FRMD4B: variants seen among roughly 807,000 people sequenced by gnomAD.
FRMD4B encodes the protein FERM domain-containing protein 4B.
Under a neutral mutation model 141.5 loss-of-function variants are expected in FRMD4B, and 74 were observed. The ratio of observed to expected loss-of-function variants is 0.52; its 90% CI spans 0.43 to 0.63. The LOEUF (loss-of-function observed/expected upper bound fraction) is 0.63. FRMD4B is among the 30% of genes least tolerant of loss of function. FRMD4B has a pLI of 0.00. For missense variants in FRMD4B, 1,366 were observed against 1,253.4 expected (o/e 1.09, Z -1.36); for synonymous variants, 506 against 467.9 (o/e 1.08, Z -1.05).
intron 1 of FRMD4B, among the ~76,000 whole-genome samples, chr3:69,526,445 C>T (rs1329582261): frequency 6.6e-6 from 1 of 152,164 alleles, no homozygotes; most frequent in Non-Finnish European, 1.5e-5. Context: ...TCAGGATCTG[C>T]TTCTGGACGA....
At chr3:69,462,358 T>C (rs115513200) in intron 1 of FRMD4B, among the ~76,000 whole-genome samples, 1,681 of 152,296 alleles carry the variant, frequency 0.011, 34 homozygotes, top group African/African-American at 0.039. Context: ...TCTCTTTCCC[T>C]GATGTCTGGC....
At chr3:69,203,248 A>C (rs2092987517) in intron 11 of FRMD4B, among the ~76,000 whole-genome samples, 1 of 151,078 alleles carries the variant, frequency 6.6e-6, no homozygotes, top group Admixed American at 6.6e-5. Context: ...AACTACAAGA[A>C]ATCACCTGTT....
chr3:69,320,585 C>CA (rs931430868), intron 1 of FRMD4B, among the ~76,000 whole-genome samples: 5 of 151,956 alleles, frequency 3.3e-5, no homozygotes, highest in African/African-American at 7.2e-5. Context: ...AACCAAAAAA[C>CA]AAAAAAACAG....
At chr3:69,504,968 G>A (rs1002004838) in intron 1 of FRMD4B, among the ~76,000 whole-genome samples, 24 of 152,114 alleles carry the variant, frequency 1.6e-4, no homozygotes, top group African/African-American at 5.6e-4. Flanking sequence ...TCTCTTCCTT[G>A]TGATGCCTGG....
intron 1 of FRMD4B, among the ~76,000 whole-genome samples, chr3:69,371,470 C>T (rs186087827): frequency 6.6e-5 from 10 of 152,100 alleles, no homozygotes; most frequent in Non-Finnish European, 1.5e-4. Flanking sequence ...TTGAAGGGAT[C>T]TGAACAGAAA....
intron 1 of FRMD4B, among the ~76,000 whole-genome samples, chr3:69,506,865 C>CTGA (rs1706604981): frequency 6.6e-6 from 1 of 152,098 alleles, no homozygotes; most frequent in African/African-American, 2.4e-5. Context: ...ATTCCTGCCT[C>CTGA]TCAGCTGGAG....
At chr3:69,489,439 A>T (rs762010551) in intron 1 of FRMD4B, among the ~76,000 whole-genome samples, 4 of 152,148 alleles carry the variant, frequency 2.6e-5, no homozygotes, top group Non-Finnish European at 4.4e-5. Context: ...TTGAATAGGC[A>T]TTTCTCCAAA....
chr3:69,290,051 A>T (rs1428840194), intron 4 of FRMD4B, among the ~76,000 whole-genome samples: 1 of 151,928 alleles, frequency 6.6e-6, no homozygotes, highest in African/African-American at 2.4e-5. Context: ...TTTTATATTA[A>T]TTTTGTCTCA....
chr3:69,367,779 G>A (rs80110568), intron 1 of FRMD4B, among the ~76,000 whole-genome samples: 26,817 of 152,038 alleles, frequency 0.18, 2,601 homozygotes, highest in African/African-American at 0.24. Context: ...ATCCTTGCAC[G>A]TGCGCCATTA....
intron 21 of FRMD4B, among the ~76,000 whole-genome samples, chr3:69,177,796 C>A (rs2092663769): frequency 6.6e-6 from 1 of 152,104 alleles, no homozygotes; most frequent in Non-Finnish European, 1.5e-5. Flanking sequence ...TTGTCAGAGG[C>A]CTTGGAGGAA....
chr3:69,270,712 C>T (rs2093590689), intron 5 of FRMD4B, among the ~76,000 whole-genome samples: 1 of 151,982 alleles, frequency 6.6e-6, no homozygotes, highest in Non-Finnish European at 1.5e-5. Context: ...ACTACAGGCG[C>T]CCGCCATCAT....
chr3:69,476,027 GT>G lies in FRMD4B; in HGVS notation c.-128-43267del, dbSNP rs1204774923. 3.3e-5 allele frequency among the ~76,000 whole-genome samples: 5 copies of G among 151,294 alleles called. No homozygotes were observed. In the East Asian group the frequency reaches 9.7e-4, roughly 29 times the overall value. ...CTTCTTTTGAGAACTGTCTGTTCAT[GT>G]CCTTCACCCACTTTTTGATGGGGTT... On this transcript the variant is annotated intron_variant, in intron 1 of 5. Coordinates refer to the FRMD4B transcript ENST00000459638.
At chr3:69,485,068 C>G (rs1273473355) in intron 1 of FRMD4B, among the ~76,000 whole-genome samples, 7 of 152,146 alleles carry the variant, frequency 4.6e-5, no homozygotes, top group Non-Finnish European at 1.0e-4. Flanking sequence ...CACCTGCAGG[C>G]CAGCTCCCAG....
At chr3:69,525,766 C>T (rs1227123409) in intron 1 of FRMD4B, among the ~76,000 whole-genome samples, 1 of 152,104 alleles carries the variant, frequency 6.6e-6, no homozygotes, top group Non-Finnish European at 1.5e-5. Context: ...GATCCTCCCA[C>T]ATCAGCCTCC....
chr3:69,292,975 C>T (rs747160993), intron 4 of FRMD4B: 25 of 449,650 alleles, frequency 5.6e-5, no homozygotes, highest in African/African-American at 1.8e-4. Context: ...AGACAAACCT[C>T]GGCTTCACAA....
In FRMD4B at chr3:69,187,848, G is replaced by C. The variant is rs191669150; in HGVS notation, c.1841C>G (p.Pro614Arg). The C allele has an allele frequency of 1.4e-5, 22 of 1,611,014 alleles. 1 individual carries two copies. In the African/African-American group the frequency reaches 1.5e-4, roughly 11 times the overall value. The part of the protein sequence containing the change: ...SVPHSPRILP[P>R]KSLGIERIHF... The stretch of plus-strand genomic sequence containing the variant: ...GATTCGCTCAATACCAAGAGACTTG[G>C]GGGGAAGAATTCTTGGAGAATGAGG... Residue 614 changes from proline (P) to arginine (R), a missense_variant, in exon 19 of 23, where the codon CCC becomes CGC. Pro to Arg is a moderately radical substitution (Grantham distance 103, BLOSUM62 -2). Transcript: ENST00000398540.
intron 11 of FRMD4B, among the ~76,000 whole-genome samples, chr3:69,208,262 C>A (rs1479261114): frequency 2.6e-5 from 4 of 152,112 alleles, no homozygotes; most frequent in Non-Finnish European, 5.9e-5. Context: ...CGGGGTTTCA[C>A]CATGTTGGCC....
At chr3:69,262,088 T>C (rs547354873) in intron 5 of FRMD4B, among the ~76,000 whole-genome samples, 78 of 151,998 alleles carry the variant, frequency 5.1e-4, no homozygotes, top group African/African-American at 1.7e-3. Flanking sequence ...TGCCTCAGCC[T>C]CTTGAGTAGC....
At chr3:69,259,075 A>C (rs1208934307) in intron 5 of FRMD4B, among the ~76,000 whole-genome samples, 1 of 152,206 alleles carries the variant, frequency 6.6e-6, no homozygotes, top group African/African-American at 2.4e-5. Flanking sequence ...CATACAATTC[A>C]CCATAATGTA....
Sources: gnomAD v4.1 joint callset for allele counts (sites outside exome capture counted in the v4.1 genomes callset) on GRCh38, gnomAD v4.1.1 for gene constraint, MANE v1.5 for transcripts, NCBI Gene and HGNC (gene_info 2026-07-23, HGNC 2026-07-21) for gene names.